DCP1B: variants seen among roughly 807,000 people sequenced by gnomAD.
DCP1B encodes the protein decapping mRNA 1B.
DCP1B carries 47 observed loss-of-function variants against 60.5 expected under a neutral mutation model. That is an observed-to-expected ratio of 0.78 (90% CI 0.61 to 0.99). The LOEUF is 0.99. Among genes scored for constraint, DCP1B ranks in the 50% least tolerant of loss-of-function variants. DCP1B has a pLI of 0.00. For missense variants in DCP1B, 725 were observed against 756.8 expected, an observed-to-expected ratio of 0.96 and a Z score of 0.49; for synonymous variants, 267 against 280.3, an observed-to-expected ratio of 0.95 and a Z score of 0.47.
chr12:1,960,898 T>G (rs2154456954), intron 5 of DCP1B, among the ~76,000 whole-genome samples: 1 of 152,324 alleles, frequency 6.6e-6, no homozygotes, highest in East Asian at 1.9e-4. Flanking sequence ...TCTCGCTACC[T>G]TTCCATTTCA....
intron 3 of DCP1B, among the ~76,000 whole-genome samples, chr12:1,979,172 C>T (rs2035356707): frequency 6.6e-6 from 1 of 152,204 alleles, no homozygotes; most frequent in Non-Finnish European, 1.5e-5. Context: ...GCCATCGAGC[C>T]TGGCTAATTT....
chr12:1,954,275 T>C (rs1222530058), intron 6 of DCP1B, among the ~76,000 whole-genome samples: 2 of 152,016 alleles, frequency 1.3e-5, no homozygotes, highest in African/African-American at 4.8e-5. Context: ...AATAAAAACT[T>C]TCCATAAAAC....
At chr12:1,979,591 C>T (rs1485020952) in intron 3 of DCP1B, among the ~76,000 whole-genome samples, 3 of 152,262 alleles carry the variant, frequency 2.0e-5, no homozygotes, top group Non-Finnish European at 2.9e-5. Flanking sequence ...GGATTACAGG[C>T]GTGAGCCACC....
intron 7 of DCP1B, among the ~76,000 whole-genome samples, chr12:1,952,073 G>A (rs898239377): frequency 6.6e-6 from 1 of 152,252 alleles, no homozygotes; most frequent in African/African-American, 2.4e-5. Flanking sequence ...GCACGGAGGT[G>A]CACCCTGCTC....
intron 3 of DCP1B, among the ~76,000 whole-genome samples, chr12:1,981,593 C>T (rs1007798941): frequency 1.3e-5 from 2 of 152,150 alleles, no homozygotes; most frequent in Non-Finnish European, 2.9e-5. Context: ...GTCTGTCTTT[C>T]GTGCTAGGAT....
At chr12:1,964,259 A>G (rs2031221755) in intron 5 of DCP1B, among the ~76,000 whole-genome samples, 1 of 152,060 alleles carries the variant, frequency 6.6e-6, no homozygotes, top group African/African-American at 2.4e-5. Context: ...CAAATTCTAT[A>G]ATTTTTAAAA....
At chr12:1,945,251 T>C (rs12231126), downstream of DCP1B, among the ~76,000 whole-genome samples, 218 of 152,278 alleles carry the variant, frequency 1.4e-3, 3 homozygotes, top group East Asian at 0.037. Flanking sequence ...CCAGTTACAA[T>C]GGTGATCATT....
chr12:1,991,672 G>A, intron 3 of DCP1B: 1 of 171,192 alleles, frequency 5.8e-6, no homozygotes, highest in South Asian at 1.4e-4. Flanking sequence ...ATAGTGGACA[G>A]CACACGCTTA....
chr12:1,944,654 G>C (rs540786654), downstream of DCP1B, among the ~76,000 whole-genome samples: 224 of 152,250 alleles, frequency 1.5e-3, 1 homozygote, highest in African/African-American at 5.2e-3. Flanking sequence ...TCTGACTTTT[G>C]ACAAACCTGA....
chr12:1,972,234 C>T (rs2032599792), intron 3 of DCP1B, among the ~76,000 whole-genome samples: 1 of 152,236 alleles, frequency 6.6e-6, no homozygotes, highest in African/African-American at 2.4e-5. Flanking sequence ...AAACTCCACT[C>T]CTTTCATGAA....
At chr12:1,983,775 G>A (rs1383132764) in intron 3 of DCP1B, among the ~76,000 whole-genome samples, 1 of 151,662 alleles carries the variant, frequency 6.6e-6, no homozygotes, top group Non-Finnish European at 1.5e-5. Context: ...TATACTTGCT[G>A]TTTTCTGTCC....
chr12:1,941,660 C>T (rs966642330), downstream of DCP1B, among the ~76,000 whole-genome samples: 13 of 152,130 alleles, frequency 8.5e-5, no homozygotes, highest in Admixed American at 1.3e-4. Context: ...TGATGACCTT[C>T]GGATGGGGTT....
In DCP1B at chr12:1,979,118, T is replaced by G. The variant is rs545405719; in HGVS notation, c.320-11208A>C. 2.0e-5 allele frequency among the ~76,000 whole-genome samples: 3 copies of G among 152,140 alleles called. No individual in the cohort carries two copies. The East Asian group carries it at 5.8e-4, about 29-fold the overall frequency. ...ACCTCCGCCTCCCGCGTTCAAGAAA[T>G]TCTCCTGCCTCAGGCTCCCAAGTGG... On this transcript the variant is annotated intron_variant, in intron 3 of 8. Coordinates refer to ENST00000280665, the MANE Select transcript of DCP1B (RefSeq NM_152640.5).
intron 3 of DCP1B, among the ~76,000 whole-genome samples, chr12:1,978,070 T>C (rs886083523): frequency 1.4e-4 from 21 of 152,346 alleles, no homozygotes; most frequent in African/African-American, 5.1e-4. Flanking sequence ...GGAAGGTTAA[T>C]TCCTTCCACT....
intron 5 of DCP1B, chr12:1,961,195 C>G (rs1446968262): frequency 6.6e-6 from 1 of 152,196 alleles, no homozygotes; most frequent in Admixed American, 6.5e-5. Flanking sequence ...TCTCAGGAAG[C>G]AAAATGAGTA....
chr12:1,945,861 C>T (rs1172144005), downstream of DCP1B, among the ~76,000 whole-genome samples: 1 of 152,038 alleles, frequency 6.6e-6, no homozygotes, highest in Admixed American at 6.6e-5. Flanking sequence ...GGGAGGGGAA[C>T]ATCACACACT....
intron 2 of DCP1B, among the ~76,000 whole-genome samples, 156 bp downstream of exon 2, chr12:1,997,779 T>C (rs2041285520): frequency 6.6e-6 from 1 of 152,268 alleles, no homozygotes; most frequent in Non-Finnish European, 1.5e-5. Flanking sequence ...TTATTTGGTA[T>C]TCCCTTCTTC....
intron 1 of DCP1B, among the ~76,000 whole-genome samples, chr12:2,002,955 T>G (rs1034226852): frequency 6.6e-6 from 1 of 152,118 alleles, no homozygotes; most frequent in Non-Finnish European, 1.5e-5. Context: ...CCCTGGAAAC[T>G]AGGGGGAAAT....
chr12:1,963,935 T>C (rs1420551383), intron 5 of DCP1B, among the ~76,000 whole-genome samples: 1 of 152,204 alleles, frequency 6.6e-6, no homozygotes, highest in African/African-American at 2.4e-5. Flanking sequence ...TTTTAACTTA[T>C]TAGATTTGAT....
Sources: allele counts gnomAD v4.1 joint callset (sites outside exome capture counted in the v4.1 genomes callset), GRCh38; gene constraint gnomAD v4.1.1; transcripts MANE v1.5; gene names NCBI Gene and HGNC (gene_info 2026-07-23, HGNC 2026-07-21).